Variants in SORCS1 observed in about 807,000 individuals in gnomAD.
SORCS1 encodes sortilin related VPS10 domain containing receptor 1, also known as VPS10 domain-containing receptor SorCS1.
In SORCS1, 60 loss-of-function variants were observed where a neutral mutation model predicts 146.1. The ratio of observed to expected loss-of-function variants is 0.41; its 90% CI spans 0.33 to 0.51. SORCS1 has a LOEUF of 0.51. SORCS1 is among the 20% of genes least tolerant of loss of function. SORCS1 has a pLI of 0.21. For synonymous variants in SORCS1, 637 were observed against 584.0 expected (o/e 1.09, Z -1.31); for missense variants, 1,352 against 1,487.6 (o/e 0.91, Z 1.50).
chr10:107,008,758 G>A (rs1957559705), intron 1 of SORCS1, among the ~76,000 whole-genome samples: 1 of 152,200 alleles, frequency 6.6e-6, no homozygotes, highest in Non-Finnish European at 1.5e-5. Flanking sequence ...AGCACTTTGG[G>A]AGGCCGAGGC....
intron 1 of SORCS1, among the ~76,000 whole-genome samples, chr10:106,963,323 G>A (rs1955348142): frequency 6.6e-6 from 1 of 151,888 alleles, no homozygotes; most frequent in South Asian, 2.1e-4. Context: ...CACCGTGTTA[G>A]CCAGGATGGT....
Position 106,799,955 on chromosome 10 carries a change from C to T in SORCS1, c.727-23263G>A, listed in dbSNP as rs150095919. 2.8e-3 allele frequency among the ~76,000 whole-genome samples: 433 copies of T among 152,224 alleles called. 2 individuals carry two copies. The highest frequency in any genetic ancestry group is 0.01 in the African/African-American group (418 of 41,522). On this transcript the variant is annotated intron_variant, in intron 3 of 25. Coordinates refer to ENST00000263054, the MANE Select transcript of SORCS1 (RefSeq NM_052918.5). ...TTATTCTTCAAGTTCCTGCAAGAAG[C>T]CTAGGATGTCTAGATTCAGAAGTGA...
intron 1 of SORCS1, among the ~76,000 whole-genome samples, chr10:107,128,890 T>A (rs1419221795): frequency 6.6e-6 from 1 of 152,240 alleles, no homozygotes; most frequent in Non-Finnish European, 1.5e-5. Context: ...TTCCTGGTGA[T>A]GAGACTCTGA....
intron 2 of SORCS1, among the ~76,000 whole-genome samples, chr10:106,872,669 C>A (rs1438538471): frequency 6.6e-6 from 1 of 152,122 alleles, no homozygotes. Context: ...CCAATATAAG[C>A]AGTTACTACT....
rs1950203235 is a variant in SORCS1 at position 106,865,767 on chromosome 10, A to C, written c.627-36094T>G. 2.6e-5 allele frequency among the ~76,000 whole-genome samples: 4 copies of C among 151,318 alleles called. No individual in the cohort carries two copies. In the South Asian group the frequency reaches 8.4e-4, roughly 32 times the overall value. ...AAATAAAATAAAAATAAAAATAAAT[A>C]AATAAAAAGTGGCCAGACTGTTTGG... is the stretch of plus-strand genomic sequence containing the variant. On this transcript the variant is annotated intron_variant, in intron 2 of 25. Coordinates refer to ENST00000263054, the MANE Select transcript of SORCS1 (RefSeq NM_052918.5).
chr10:107,180,986 ATATT>A, the SORCS1 span, among the ~76,000 whole-genome samples: 1 of 152,334 alleles, frequency 6.6e-6, no homozygotes, highest in South Asian at 2.1e-4. Context: ...CCATCTAAAC[ATATT>A]TAAAGATAGA....
rs1851579193 is a variant in SORCS1 at position 106,671,278 on chromosome 10, C to T, written c.2148G>A (p.Met716Ile). 1 of 1,614,136 alleles carries T rather than the reference C, an allele frequency of 6.2e-7. No individual in the cohort carries two copies. Residue 716 changes from methionine (M) to isoleucine (I), a missense_variant, in exon 16 of 26, where the codon ATG becomes ATA. Transcript: ENST00000263054. ...KCMQGKYAGA[M>I]ESEPCVCTEA... ...CAGTGCAGACACAGGGTTCAGATTC[C>T]ATAGCTCCTGCATATTTTCCTTGCA...
intron 21 of SORCS1, among the ~76,000 whole-genome samples, chr10:106,613,657 A>C (rs1250836327): frequency 2.4e-4 from 36 of 152,148 alleles, no homozygotes. Context: ...TACCCAGCAT[A>C]GTGTTTGGCA....
At chr10:107,136,707 A>G (rs1967330894) in intron 1 of SORCS1, among the ~76,000 whole-genome samples, 1 of 152,166 alleles carries the variant, frequency 6.6e-6, no homozygotes, top group Non-Finnish European at 1.5e-5. Context: ...ATGAGAATGG[A>G]GGCACAGGGA....
At chr10:107,128,553 T>C (rs959401835) in intron 1 of SORCS1, among the ~76,000 whole-genome samples, 1 of 152,200 alleles carries the variant, frequency 6.6e-6, no homozygotes, top group African/African-American at 2.4e-5. Context: ...ACAACAGTAC[T>C]TTGTGATGAT....
chr10:107,045,126 G>C (rs1214009706), intron 1 of SORCS1, among the ~76,000 whole-genome samples: 1 of 152,152 alleles, frequency 6.6e-6, no homozygotes, highest in Non-Finnish European at 1.5e-5. Flanking sequence ...TAAAGAGCTG[G>C]ACTTTATTCT....
chr10:106,981,170 T>TCC (rs761284855), intron 1 of SORCS1, among the ~76,000 whole-genome samples: 8 of 152,064 alleles, frequency 5.3e-5, no homozygotes, highest in Non-Finnish European at 1.2e-4. Flanking sequence ...CACTTACCCC[T>TCC]CCCTCCAGAT....
chr10:106,923,273 A>C (rs1952812333), intron 2 of SORCS1, among the ~76,000 whole-genome samples: 2 of 152,204 alleles, frequency 1.3e-5, no homozygotes, highest in Non-Finnish European at 2.9e-5. Flanking sequence ...CAGCCCTTTC[A>C]GATTGGCTCT....
chr10:107,098,341 C>A (rs1010253606), intron 1 of SORCS1, among the ~76,000 whole-genome samples: 3 of 152,146 alleles, frequency 2.0e-5, no homozygotes, highest in Non-Finnish European at 4.4e-5. Context: ...ATAAGAGGTC[C>A]AGAAACAACT....
chr10:107,141,278 G>A (rs1431708651), intron 1 of SORCS1, among the ~76,000 whole-genome samples: 1 of 152,164 alleles, frequency 6.6e-6, no homozygotes, highest in Non-Finnish European at 1.5e-5. Flanking sequence ...CTTTTGTAGA[G>A]AGGAACTCAA....
chr10:107,025,860 CA>C (rs1426991754), intron 1 of SORCS1, among the ~76,000 whole-genome samples: 3 of 152,170 alleles, frequency 2.0e-5, no homozygotes, highest in Non-Finnish European at 4.4e-5. Flanking sequence ...TGAGAGCCCA[CA>C]AGTGGGAGGA....
intron 1 of SORCS1, among the ~76,000 whole-genome samples, chr10:107,117,514 G>C (rs1413172559): frequency 6.6e-6 from 1 of 152,112 alleles, no homozygotes; most frequent in Non-Finnish European, 1.5e-5. Context: ...GAAAGCGCTG[G>C]GGGTGAGAAC....
At chr10:106,752,494 C>T (rs1858332900) in intron 5 of SORCS1, among the ~76,000 whole-genome samples, 1 of 152,140 alleles carries the variant, frequency 6.6e-6, no homozygotes, top group Non-Finnish European at 1.5e-5. Context: ...CATAGACTTA[C>T]TAGTGCTTAC....
chr10:107,151,659 C>T lies in SORCS1; in HGVS notation c.558+12310G>A, dbSNP rs148782953. On this transcript the variant is annotated intron_variant, in intron 1 of 25. Transcript: ENST00000263054. Reference sequence around the variant, plus strand: ...CAACAAGTGGGAATTCTGGGAGATACAATTCTAGTGGAGATTTGGGTGGAG... The same window carrying T: ...CAACAAGTGGGAATTCTGGGAGATATAATTCTAGTGGAGATTTGGGTGGAG... Among the ~76,000 whole-genome samples the T allele has an allele frequency of 1.0e-3, 154 of 152,310 alleles. 1 individual carries two copies. Among genetic ancestry groups the T allele is most frequent in the African/African-American group, 3.7e-3 (153 of 41,576 alleles).
Sources: allele counts gnomAD v4.1 joint callset (sites outside exome capture counted in the v4.1 genomes callset), GRCh38; gene constraint gnomAD v4.1.1; transcripts MANE v1.5; gene names NCBI Gene and HGNC (gene_info 2026-07-23, HGNC 2026-07-21).